PHLDB3: variants seen among roughly 807,000 people sequenced by gnomAD.
PHLDB3 encodes the protein pleckstrin homology-like domain family B member 3.
In PHLDB3, 86 loss-of-function variants were observed where a neutral mutation model predicts 85.7. The ratio of observed to expected loss-of-function variants is 1.00; its 90% CI spans 0.84 to 1.20. The LOEUF (loss-of-function observed/expected upper bound fraction) is 1.20, where lower values mean the gene tolerates loss of function less well. Ranked by LOEUF, PHLDB3 falls within the 50% of genes most tolerant of loss-of-function variation. The pLI is 0.00. For missense variants in PHLDB3, 995 were observed against 873.0 expected (o/e 1.14, Z -1.76); for synonymous variants, 376 against 349.8 (o/e 1.07, Z -0.83).
chr19:43,475,415 G>C lies in PHLDB3; in HGVS notation c.1918C>G (p.Pro640Ala). ...IVTAADENHA[P>A] is the part of the protein sequence containing the mutation. Reference sequence around the variant, plus strand: ...CCCCAAGAGGGCGGGGCCACTCAGGGGGCGTGGTTTTCGTCAGCGGCGGTC... The same window carrying C: ...CCCCAAGAGGGCGGGGCCACTCAGGCGGCGTGGTTTTCGTCAGCGGCGGTC... Residue 640 changes from proline to alanine, a missense_variant, in exon 16 of 16, where the codon CCC becomes GCC. By Grantham distance (27) the Pro-to-Ala change is conservative. Transcript: ENST00000292140. 1 of 1,613,912 alleles carries C rather than the reference G, an allele frequency of 6.2e-7. No individual in the cohort carries two copies. Among genetic ancestry groups the C allele is most frequent in the Non-Finnish European group, 8.5e-7 (1 of 1,179,820 alleles).
At chr19:43,477,216 C>CCA (rs1173427507) in intron 15 of PHLDB3, among the ~76,000 whole-genome samples, 10 of 152,302 alleles carry the variant, frequency 6.6e-5, no homozygotes, top group African/African-American at 2.4e-4. Flanking sequence ...AAAACTTTTG[C>CCA]TCCAAGAAAA....
chr19:43,491,946 T>TTG (rs1971324481), intron 9 of PHLDB3, among the ~76,000 whole-genome samples: 1 of 10,222 alleles, frequency 9.8e-5, no homozygotes, highest in Non-Finnish European at 1.8e-4. Flanking sequence ...CACCTGGCCG[T>TTG]TTTTTTTTTT....
rs1971163026 is a variant in PHLDB3 at position 43,486,558 on chromosome 19, G to A, written c.1428+51C>T. The stretch of plus-strand genomic sequence containing the variant: ...TTGGGGGTCTCCCAGGTCTGAGGGA[G>A]GAGAGGCTGGGGCAGTCTTCTGTTC... On this transcript the variant is annotated intron_variant, in intron 12 of 15. Coordinates refer to ENST00000292140, the MANE Select transcript of PHLDB3 (RefSeq NM_198850.4). 9 of 1,571,796 alleles carry A rather than the reference G, an allele frequency of 5.7e-6. No individual in the cohort carries two copies. The South Asian group carries it at 9.3e-5, about 16-fold the overall frequency.
intron 2 of PHLDB3, 109 bp downstream of exon 2, chr19:43,503,797 C>T: frequency 7.7e-7 from 1 of 1,294,766 alleles, no homozygotes; most frequent in Non-Finnish European, 1.1e-6. Flanking sequence ...CTCTCCCTGT[C>T]TCCGGGTCTC....
At chr19:43,493,214 G>A (rs560995249) in intron 9 of PHLDB3, among the ~76,000 whole-genome samples, 1 of 151,868 alleles carries the variant, frequency 6.6e-6, no homozygotes, top group African/African-American at 2.4e-5. Flanking sequence ...AGGAGGCGGA[G>A]GTTGCAGTGA....
intron 13 of PHLDB3, among the ~76,000 whole-genome samples, chr19:43,482,396 A>C (rs937981364): frequency 1.3e-5 from 2 of 152,188 alleles, no homozygotes; most frequent in African/African-American, 4.8e-5. Flanking sequence ...TCTAGGTGTG[A>C]AGCCCAGGGA....
intron 9 of PHLDB3, among the ~76,000 whole-genome samples, chr19:43,493,341 C>A (rs1971366040): frequency 6.7e-6 from 1 of 148,814 alleles, no homozygotes; most frequent in Non-Finnish European, 1.5e-5. Flanking sequence ...GAGACCCTAT[C>A]TCTACAAATT....
At position 43,497,286 on chromosome 19, in the gene PHLDB3, G is replaced by C. The variant is rs778336915; in HGVS notation, c.664-7C>G. On this transcript the variant is annotated splice_region_variant and splice_polypyrimidine_tract_variant and intron_variant, in intron 5 of 15. Coordinates refer to ENST00000292140, the MANE Select transcript of PHLDB3 (RefSeq NM_198850.4). Reference sequence around the variant, plus strand: ...CATCCAGTTGTTCCCTCATCTATAGGTCGGAACACAAAAAGGGTGGAGGCC... The same window carrying C: ...CATCCAGTTGTTCCCTCATCTATAGCTCGGAACACAAAAAGGGTGGAGGCC... The C allele has an allele frequency of 9.1e-6, 13 of 1,425,424 alleles. No homozygotes were observed. The highest frequency in any genetic ancestry group is 1.2e-5 in the Non-Finnish European group (13 of 1,085,424). The allele number at this position is 1,425,424 out of a possible 1,614,324, so 88.3% of individuals were successfully genotyped here.
At chr19:43,502,457 C>CTT (rs10685194) in intron 2 of PHLDB3, among the ~76,000 whole-genome samples, 174 bp from the exon 3 acceptor site, 57,837 of 136,328 alleles carry the variant, frequency 0.42, 12,691 homozygotes, top group East Asian at 0.49. Context: ...TCTTTCTTAT[C>CTT]TTTTTTTTTT....
Position 43,486,304 on chromosome 19 carries a change from T to G in PHLDB3, c.1447A>C (p.Thr483Pro). The G allele has an allele frequency of 6.2e-7, 1 of 1,608,600 alleles. No individual in the cohort carries two copies. Residue 483 changes from threonine (T) to proline (P), a missense_variant, in exon 13 of 16, where the codon ACG becomes CCG. Transcript: ENST00000292140. Reference sequence around the variant, plus strand: ...ACAGCAGGGCCTGAGGAACCTTCCGTGCCCCTTCTTGTTCCTTCCTGTGGA... The same window carrying G: ...ACAGCAGGGCCTGAGGAACCTTCCGGGCCCCTTCTTGTTCCTTCCTGTGGA... ...LKAREGTRRGTEGSSGPAVPA... is the reference protein window; with the variant it reads ...LKAREGTRRGPEGSSGPAVPA...
At chr19:43,479,658 C>A (rs1488741080) in intron 13 of PHLDB3, 65 bp from the exon 14 acceptor site, 1 of 1,177,862 alleles carries the variant, frequency 8.5e-7, no homozygotes, top group African/African-American at 1.5e-5. Context: ...TGGAGCCCCT[C>A]GAGGGGAGCA....
intron 9 of PHLDB3, among the ~76,000 whole-genome samples, chr19:43,490,158 G>T (rs1971281521): frequency 6.6e-6 from 1 of 152,144 alleles, no homozygotes; most frequent in Admixed American, 6.6e-5. Context: ...TGTTGTCTCA[G>T]TGGTAGTTTC....
Position 43,501,723 on chromosome 19 carries a change from GC to G in PHLDB3, c.534+10del. The G allele has an allele frequency of 6.3e-7, 1 of 1,577,754 alleles. No individual in the cohort carries two copies. On this transcript the variant is annotated intron_variant, in intron 4 of 15. Coordinates refer to ENST00000292140, the MANE Select transcript of PHLDB3 (RefSeq NM_198850.4). ...GACACTGCTGATGAAGACCCGGTGA[GC>G]CAAACAGACCTGTTCCCGCTGCTGG...
At chr19:43,485,159 A>G (rs192343790) in intron 13 of PHLDB3, among the ~76,000 whole-genome samples, 1 of 152,020 alleles carries the variant, frequency 6.6e-6, no homozygotes, top group East Asian at 1.9e-4. Context: ...CTGGGGGTCT[A>G]TTAATCTACT....
intron 13 of PHLDB3, among the ~76,000 whole-genome samples, chr19:43,481,295 C>A (rs1971040851): frequency 6.6e-6 from 1 of 152,150 alleles, no homozygotes; most frequent in East Asian, 1.9e-4. Flanking sequence ...CAGCCTGGGG[C>A]AACATGGCGA....
intron 9 of PHLDB3, 57 bp from the exon 10 acceptor site, chr19:43,487,180 CAG>C: frequency 7.0e-7 from 1 of 1,429,384 alleles, no homozygotes; most frequent in Non-Finnish European, 9.7e-7. Context: ...CAACCTAAGT[CAG>C]AGCACTGCCC....
intron 13 of PHLDB3, among the ~76,000 whole-genome samples, chr19:43,480,619 G>C (rs1193770124): frequency 6.6e-6 from 1 of 152,116 alleles, no homozygotes; most frequent in African/African-American, 2.4e-5. Flanking sequence ...GAGAGAGCTT[G>C]TTTACATTAT....
intron 13 of PHLDB3, among the ~76,000 whole-genome samples, chr19:43,480,388 G>T (rs1008603328): frequency 6.6e-6 from 1 of 151,362 alleles, no homozygotes; most frequent in African/African-American, 2.4e-5. Context: ...GCTATGAGTT[G>T]GAGACCAGCC....
At chr19:43,503,280 G>GTGTCTCTCTCTC (rs757590339) in intron 2 of PHLDB3, among the ~76,000 whole-genome samples, 1 of 141,890 alleles carries the variant, frequency 7.0e-6, no homozygotes, top group Non-Finnish European at 1.5e-5. Context: ...TGTCTATCTG[G>GTGTCTCTCTCTC]TCTCTCTCTC....
Sources: gnomAD v4.1 joint callset for allele counts (sites outside exome capture counted in the v4.1 genomes callset) on GRCh38, gnomAD v4.1.1 for gene constraint, MANE v1.5 for transcripts, NCBI Gene and HGNC (gene_info 2026-07-23, HGNC 2026-07-21) for gene names.